PHACTR1: variants seen among roughly 807,000 people sequenced by gnomAD.
PHACTR1 encodes the protein phosphatase and actin regulator 1, also known as RPEL repeat containing 1.
Under a neutral mutation model 69.2 loss-of-function variants are expected in PHACTR1, and 16 were observed. The ratio of observed to expected loss-of-function variants is 0.23; its 90% CI spans 0.16 to 0.35. The LOEUF (loss-of-function observed/expected upper bound fraction) is 0.35. PHACTR1 is among the 10% of genes least tolerant of loss of function. PHACTR1 has a pLI of 1.00. For synonymous variants in PHACTR1, 312 were observed against 284.5 expected (o/e 1.10, Z -0.97); for missense variants, 510 against 734.7 (o/e 0.69, Z 3.54).
chr6:13,047,885 C>T (rs1336997995), intron 4 of PHACTR1, among the ~76,000 whole-genome samples: 1 of 152,088 alleles, frequency 6.6e-6, no homozygotes, highest in Non-Finnish European at 1.5e-5. Context: ...GCGCCCCGAG[C>T]CCCGGCCCAG....
At chr6:12,934,062 G>A in intron 4 of PHACTR1, 1 of 1,343,184 alleles carries the variant, frequency 7.4e-7, no homozygotes, top group Admixed American at 2.8e-5. Context: ...GGTGTTGGTG[G>A]GGCCACGGTC....
intron 10 of PHACTR1, among the ~76,000 whole-genome samples, chr6:13,260,253 G>A (rs900742859): frequency 1.3e-5 from 2 of 152,110 alleles, no homozygotes; most frequent in Non-Finnish European, 1.5e-5. Context: ...CGTCAAGATG[G>A]GGAACTCCAT....
chr6:12,875,287 G>A (rs553217558), intron 4 of PHACTR1, among the ~76,000 whole-genome samples: 10 of 152,236 alleles, frequency 6.6e-5, no homozygotes, highest in South Asian at 6.2e-4. Context: ...AGGGTTCTTC[G>A]TGCTCCATGA....
At chr6:12,908,803 C>A (rs566547328) in intron 4 of PHACTR1, among the ~76,000 whole-genome samples, 1 of 152,304 alleles carries the variant, frequency 6.6e-6, no homozygotes, top group Admixed American at 6.5e-5. Flanking sequence ...AAGGAGATGA[C>A]CCATGGCAGG....
chr6:13,118,450 G>A (rs1389229349), intron 5 of PHACTR1, among the ~76,000 whole-genome samples: 1 of 148,594 alleles, frequency 6.7e-6, no homozygotes, highest in Non-Finnish European at 1.5e-5. Context: ...TCATTGCTCT[G>A]AAGCTTGCCC....
intron 4 of PHACTR1, among the ~76,000 whole-genome samples, chr6:12,766,037 G>A (rs988741751): frequency 1.3e-5 from 2 of 152,114 alleles, no homozygotes; most frequent in African/African-American, 2.4e-5. Flanking sequence ...TCATTGACTC[G>A]GAAATTTTTT....
chr6:13,128,232 A>G (rs1161198829), intron 5 of PHACTR1, among the ~76,000 whole-genome samples: 2 of 4,812 alleles, frequency 4.2e-4, no homozygotes, highest in East Asian at 7.2e-3. Context: ...GTAGTATGAT[A>G]AAACAGTGTT....
chr6:12,731,419 C>T (rs1230428727), intron 3 of PHACTR1, among the ~76,000 whole-genome samples: 1 of 152,220 alleles, frequency 6.6e-6, no homozygotes, highest in Non-Finnish European at 1.5e-5. Flanking sequence ...GAAGAAACTA[C>T]TTGGCTTAGC....
chr6:13,269,949 G>T (rs1255405017), intron 10 of PHACTR1, among the ~76,000 whole-genome samples: 1 of 152,216 alleles, frequency 6.6e-6, no homozygotes, highest in Admixed American at 6.5e-5. Context: ...TTCTCCAGCA[G>T]ACATGAACTG....
intron 4 of PHACTR1, among the ~76,000 whole-genome samples, chr6:12,997,587 A>G (rs1033269947): frequency 6.6e-6 from 1 of 152,108 alleles, no homozygotes. Context: ...TAGTTAGCAT[A>G]TCCATCACCT....
Position 13,245,308 on chromosome 6 carries a change from T to C in PHACTR1, c.1391+15115T>C, listed in dbSNP as rs1773442793. Among the ~76,000 whole-genome samples, 1 of 152,208 alleles carries C rather than the reference T, an allele frequency of 6.6e-6. No individual in the cohort carries two copies. The highest frequency in any genetic ancestry group is 2.4e-5 in the African/African-American group (1 of 41,448). On this transcript the variant is annotated intron_variant, in intron 10 of 14. Coordinates refer to ENST00000332995, the MANE Select transcript of PHACTR1 (RefSeq NM_030948.6). The surrounding 1 kb of genome is among the most constrained non-coding windows in gnomAD (Gnocchi z 4.1). ...AATCCCACCAGTAGCATGTAAGCAT[T>C]CTCTTTTCCCCACAACCTTGCCAGC...
At chr6:13,087,811 A>G (rs1812558075) in intron 5 of PHACTR1, among the ~76,000 whole-genome samples, 1 of 151,822 alleles carries the variant, frequency 6.6e-6, no homozygotes, top group Non-Finnish European at 1.5e-5. Flanking sequence ...ACGCCTGGCT[A>G]ATATTTTGTA....
At chr6:13,042,758 T>G (rs1423495405) in intron 4 of PHACTR1, among the ~76,000 whole-genome samples, 1 of 152,192 alleles carries the variant, frequency 6.6e-6, no homozygotes, top group Non-Finnish European at 1.5e-5. Context: ...GAGGAGACTT[T>G]TCACTTTTAG....
At chr6:13,194,590 A>G (rs192121396) in intron 7 of PHACTR1, among the ~76,000 whole-genome samples, 6 of 152,142 alleles carry the variant, frequency 3.9e-5, no homozygotes, top group Admixed American at 6.5e-5. Context: ...ACTCATGGCC[A>G]TCTTCCCAGG....
chr6:13,128,910 A>C (rs1176157098), intron 5 of PHACTR1, among the ~76,000 whole-genome samples: 1 of 152,200 alleles, frequency 6.6e-6, no homozygotes, highest in African/African-American at 2.4e-5. Flanking sequence ...CAAAAGTATC[A>C]GGTAGCCTAT....
At position 13,283,308 on chromosome 6, in the gene PHACTR1, T is replaced by C; in HGVS notation, c.1510-114T>C. 2 of 985,658 alleles carry C rather than the reference T, an allele frequency of 2.0e-6. No individual in the cohort carries two copies. The highest frequency in any genetic ancestry group is 2.9e-6 in the Non-Finnish European group (2 of 697,868). 61.1% of individuals were successfully genotyped at this position (985,658 alleles called of 1,614,324 possible). On this transcript the variant is annotated intron_variant, in intron 12 of 14. Transcript: ENST00000332995. This position sits in a 1 kb window ranked among gnomAD's most constrained non-coding sequence, Gnocchi z 4.7. ...CCCCTGCCCCTCACTCACTATGCGA[T>C]GCATCCATCGCCTCACTGAACCTTA...
intron 5 of PHACTR1, among the ~76,000 whole-genome samples, chr6:13,115,507 T>C (rs1029090573): frequency 6.6e-6 from 1 of 152,122 alleles, no homozygotes; most frequent in South Asian, 2.1e-4. Flanking sequence ...TTACTTAGCA[T>C]TGGCCTGAAA....
At chr6:12,788,190 G>A (rs915301408) in intron 4 of PHACTR1, among the ~76,000 whole-genome samples, 1 of 150,998 alleles carries the variant, frequency 6.6e-6, no homozygotes, top group Non-Finnish European at 1.5e-5. Context: ...CCTCAACAAA[G>A]GAAACTGAGC....
chr6:12,829,335 ATC>A (rs1777156550), intron 4 of PHACTR1, among the ~76,000 whole-genome samples: 2 of 152,240 alleles, frequency 1.3e-5, no homozygotes, highest in South Asian at 4.1e-4. Flanking sequence ...ATGAAGTTGT[ATC>A]TCAGCCTAGC....
Sources: allele counts gnomAD v4.1 joint callset (sites outside exome capture counted in the v4.1 genomes callset), GRCh38; gene constraint gnomAD v4.1.1; non-coding constraint Gnocchi (gnomAD v3.1); transcripts MANE v1.5; gene names NCBI Gene and HGNC (gene_info 2026-07-23, HGNC 2026-07-21).